ZNF704: variants seen among roughly 807,000 people sequenced by gnomAD.
ZNF704 encodes the protein zinc finger protein 704.
A neutral mutation model predicts 44.7 loss-of-function variants in ZNF704; 10 were observed. The observed-to-expected ratio is 0.22, with a 90% CI of 0.14 to 0.38. The LOEUF (loss-of-function observed/expected upper bound fraction) is 0.38, where lower values mean the gene tolerates loss of function less well. ZNF704 is among the 10% of genes least tolerant of loss of function. The pLI, the probability that ZNF704 is intolerant of heterozygous loss-of-function variation, is 1.00. For synonymous variants in ZNF704, 211 were observed against 207.6 expected, an observed-to-expected ratio of 1.02 and a Z score of -0.14; for missense variants, 390 against 545.5, an observed-to-expected ratio of 0.71 and a Z score of 2.84.
At chr8:80,823,318 C>T (rs1444009116) in intron 1 of ZNF704, among the ~76,000 whole-genome samples, 4 of 152,228 alleles carry the variant, frequency 2.6e-5, no homozygotes, top group Non-Finnish European at 5.9e-5. Context: ...AAGTCTTGCT[C>T]ACTGCAAGGA....
chr8:80,866,011 G>A (rs188206949), intron 1 of ZNF704, among the ~76,000 whole-genome samples: 46 of 152,146 alleles, frequency 3.0e-4, no homozygotes, highest in Non-Finnish European at 1.3e-4. Flanking sequence ...ACATATATCA[G>A]ACTTATATTC....
rs189764954 is a variant in ZNF704, at chr8:80,651,514, A to T, written c.1032+8071T>A. Among the ~76,000 whole-genome samples, 791 of 152,334 alleles carry T rather than the reference A, an allele frequency of 5.2e-3. 6 individuals carry two copies. Among genetic ancestry groups the T allele is most frequent in the African/African-American group, 0.018 (746 of 41,574 alleles). On this transcript the variant is annotated intron_variant, in intron 7 of 8. Coordinates refer to ENST00000327835, the MANE Select transcript of ZNF704 (RefSeq NM_001033723.3). ...AAAACAAAAAAAGGCAGGGGTTGCA[A>T]CCCTGGTCTCTGATAAAACAGACTT...
chr8:80,653,631 A>G (rs1817959748), intron 7 of ZNF704, among the ~76,000 whole-genome samples: 2 of 152,144 alleles, frequency 1.3e-5, no homozygotes, highest in Admixed American at 1.3e-4. Context: ...TCCAACTTAC[A>G]AGGGATGCGA....
At chr8:80,705,492 C>G (rs1006234352) in intron 2 of ZNF704, among the ~76,000 whole-genome samples, 1 of 149,478 alleles carries the variant, frequency 6.7e-6, no homozygotes, top group East Asian at 2.0e-4. Context: ...TCTGGGTCCT[C>G]TGTGTGTGTG....
At chr8:80,779,691 T>A (rs751017791) in intron 2 of ZNF704, among the ~76,000 whole-genome samples, 4 of 151,926 alleles carry the variant, frequency 2.6e-5, no homozygotes, top group Non-Finnish European at 5.9e-5. Context: ...CATTTCACAT[T>A]AAGAATATTT....
intron 2 of ZNF704, among the ~76,000 whole-genome samples, chr8:80,706,428 TATC>T (rs1337935392): frequency 6.6e-6 from 1 of 152,220 alleles, no homozygotes; most frequent in Non-Finnish European, 1.5e-5. Flanking sequence ...CCTGAAATAG[TATC>T]ATCATTATGT....
rs201524216 is a variant in ZNF704, at chr8:80,801,062, AG to A, written c.221+20311del. ...AACCAACAAAGCTCAAAAAAGACAA[AG>A]AAGGGCATTCCATAATGGTAATGGT... On this transcript the variant is annotated intron_variant, in intron 2 of 8. Coordinates refer to ENST00000327835, the MANE Select transcript of ZNF704 (RefSeq NM_001033723.3). 5.9e-3 allele frequency among the ~76,000 whole-genome samples: 897 copies of A among 152,334 alleles called. 23 individuals carry two copies. Among genetic ancestry groups the A allele is most frequent in the East Asian group, 0.052 (269 of 5,186 alleles).
At chr8:80,735,400 T>C (rs914327035) in intron 2 of ZNF704, among the ~76,000 whole-genome samples, 1 of 152,244 alleles carries the variant, frequency 6.6e-6, no homozygotes, top group African/African-American at 2.4e-5. Flanking sequence ...TTACTCATGA[T>C]TTAGAAGGCA....
At chr8:80,711,737 A>C (rs1818990767) in intron 2 of ZNF704, among the ~76,000 whole-genome samples, 2 of 152,182 alleles carry the variant, frequency 1.3e-5, no homozygotes, top group South Asian at 4.1e-4. Context: ...GGGCCACAAA[A>C]CACTAAGTGA....
intron 2 of ZNF704, among the ~76,000 whole-genome samples, chr8:80,708,295 A>ATT (rs1818928193): frequency 6.6e-6 from 1 of 152,240 alleles, no homozygotes; most frequent in East Asian, 1.9e-4. Flanking sequence ...TAAGCAGAAG[A>ATT]ATCTGATACA....
intron 2 of ZNF704, among the ~76,000 whole-genome samples, chr8:80,768,729 G>T (rs1378425870): frequency 6.6e-6 from 1 of 152,062 alleles, no homozygotes; most frequent in Non-Finnish European, 1.5e-5. Flanking sequence ...CTTATGAAGG[G>T]TAATGGATAC....
chr8:80,816,809 T>C (rs571351914), intron 2 of ZNF704, among the ~76,000 whole-genome samples: 8 of 152,276 alleles, frequency 5.3e-5, no homozygotes, highest in African/African-American at 7.2e-5. Flanking sequence ...CTGAGGAAAG[T>C]TGAATAATTT....
intron 6 of ZNF704, among the ~76,000 whole-genome samples, chr8:80,664,295 C>T (rs377482936): frequency 3.5e-5 from 5 of 142,092 alleles, no homozygotes; most frequent in East Asian, 2.0e-4. Flanking sequence ...TTTTTTGAGA[C>T]AGAGTTTTTC....
chr8:80,684,849 A>G (rs1011582377), intron 4 of ZNF704, among the ~76,000 whole-genome samples: 8 of 152,206 alleles, frequency 5.3e-5, no homozygotes, highest in Admixed American at 2.6e-4. Context: ...GGTTCACCTA[A>G]TAAATTTAAA....
In ZNF704 at chr8:80,631,655, T is replaced by C. The variant is rs1234725631; in HGVS notation, c.*9711A>G. 6.6e-6 allele frequency: 1 copy of C among 152,258 alleles called. No individual in the cohort carries two copies. The highest frequency in any genetic ancestry group is 1.9e-4 in the East Asian group (1 of 5,200). 9.4% of individuals were successfully genotyped at this position (152,258 alleles called of 1,614,324 possible). On this transcript the variant is annotated 3_prime_UTR_variant, in exon 9 of 9. Transcript: ENST00000327835. ...GGTTGGTGACTTGCACGGCGGGCTTTGAGGCACAGTGAAAGGATTAGCTAT... is the reference window on the plus strand; with the variant it reads ...GGTTGGTGACTTGCACGGCGGGCTTCGAGGCACAGTGAAAGGATTAGCTAT...
At chr8:80,806,764 C>T (rs1423557580) in intron 2 of ZNF704, among the ~76,000 whole-genome samples, 2 of 152,272 alleles carry the variant, frequency 1.3e-5, no homozygotes, top group African/African-American at 4.8e-5. Flanking sequence ...GGGAATTCTG[C>T]CTGATTCTGA....
At chr8:80,647,308 T>C (rs1817848744) in intron 7 of ZNF704, among the ~76,000 whole-genome samples, 2 of 152,120 alleles carry the variant, frequency 1.3e-5, no homozygotes, top group South Asian at 4.2e-4. Context: ...AGGTTACCTT[T>C]CACCTACAAG....
At chr8:80,693,142 C>T in intron 2 of ZNF704, 35 bp from the exon 3 acceptor site, 2 of 1,570,662 alleles carry the variant, frequency 1.3e-6, no homozygotes, top group Non-Finnish European at 1.8e-6. Flanking sequence ...TGACTGTTCA[C>T]TCTGCATCTG....
chr8:80,839,910 C>A (rs1403418718), intron 1 of ZNF704, among the ~76,000 whole-genome samples: 2 of 152,140 alleles, frequency 1.3e-5, no homozygotes, highest in Non-Finnish European at 2.9e-5. Flanking sequence ...GGTGGTTCTG[C>A]TCGTCTGTTA....
Sources: allele counts gnomAD v4.1 joint callset (sites outside exome capture counted in the v4.1 genomes callset), GRCh38; gene constraint gnomAD v4.1.1; transcripts MANE v1.5; gene names NCBI Gene and HGNC (gene_info 2026-07-23, HGNC 2026-07-21).